The following OTOGL variants were observed in gnomAD, a reference collection of about 807,000 sequenced individuals.
OTOGL encodes otogelin-like protein.
OTOGL carries 285 observed loss-of-function variants against 318.5 expected under a neutral mutation model. The ratio of observed to expected loss-of-function variants is 0.89; its 90% CI spans 0.81 to 0.99. The LOEUF (loss-of-function observed/expected upper bound fraction) is 0.99, where lower values mean the gene tolerates loss of function less well. OTOGL is among the 50% of genes least tolerant of loss of function. The probability of loss-of-function intolerance (pLI) is 0.00; values close to 1 mark genes in which losing one functional copy is unlikely to be tolerated. For synonymous variants in OTOGL, 987 were observed against 936.5 expected, an observed-to-expected ratio of 1.05 and a Z score of -0.99; for missense variants, 2,899 against 2,845.6, an observed-to-expected ratio of 1.02 and a Z score of -0.43.
chr12:80,360,815 A>T (rs1890197650), intron 52 of OTOGL, among the ~76,000 whole-genome samples: 1 of 152,076 alleles, frequency 6.6e-6, no homozygotes, highest in Non-Finnish European at 1.5e-5. Flanking sequence ...AACTAGAACC[A>T]GTATACAATC....
intron 1 of OTOGL, among the ~76,000 whole-genome samples, chr12:80,106,438 T>C (rs1029562953): frequency 1.3e-5 from 2 of 152,338 alleles, no homozygotes; most frequent in Admixed American, 6.5e-5. Context: ...TCTCCAGAGA[T>C]TGAATGTCCA....
At chr12:80,150,829 G>C (rs1231521816) in intron 1 of OTOGL, among the ~76,000 whole-genome samples, 1 of 152,070 alleles carries the variant, frequency 6.6e-6, no homozygotes, top group African/African-American at 2.4e-5. Context: ...AAAAAGAAAG[G>C]CATAGAAAAC....
chr12:80,289,921 G>A (rs984700230), intron 26 of OTOGL, among the ~76,000 whole-genome samples: 1 of 152,080 alleles, frequency 6.6e-6, no homozygotes. Flanking sequence ...GTCTTGCTGG[G>A]GTTCCAGGTG....
At chr12:80,167,956 T>C (rs899997451) in intron 1 of OTOGL, among the ~76,000 whole-genome samples, 3 of 151,740 alleles carry the variant, frequency 2.0e-5, no homozygotes, top group African/African-American at 7.3e-5. Flanking sequence ...CTCCTCTCCT[T>C]GCCTCTCCTC....
intron 22 of OTOGL, among the ~76,000 whole-genome samples, chr12:80,268,457 C>T (rs1228383846): frequency 6.6e-6 from 1 of 152,122 alleles, no homozygotes; most frequent in Non-Finnish European, 1.5e-5. Context: ...CTCCTGCCTA[C>T]TTTGCTCTGC....
chr12:80,350,923 C>T (rs1039869512), intron 44 of OTOGL, among the ~76,000 whole-genome samples: 13 of 152,190 alleles, frequency 8.5e-5, no homozygotes, highest in African/African-American at 2.4e-4. Flanking sequence ...TCCCATGTGT[C>T]GATTTTTTCT....
At chr12:80,228,893 A>G (rs900829466) in intron 7 of OTOGL, among the ~76,000 whole-genome samples, 8 of 152,146 alleles carry the variant, frequency 5.3e-5, no homozygotes, top group African/African-American at 1.9e-4. Context: ...GCTCTGTTTT[A>G]TGATTCTCTA....
At chr12:80,146,979 A>G (rs1158407576) in intron 1 of OTOGL, among the ~76,000 whole-genome samples, 2 of 151,388 alleles carry the variant, frequency 1.3e-5, no homozygotes, top group Non-Finnish European at 2.9e-5. Context: ...CTAGTTGTCT[A>G]TTTTGTTGAT....
chr12:80,374,360 A>T (rs1891064603), intron 57 of OTOGL, among the ~76,000 whole-genome samples: 1 of 152,200 alleles, frequency 6.6e-6, no homozygotes. Flanking sequence ...TGTCCAAATA[A>T]GATCACATTC....
chr12:80,307,764 G>A (rs1886275970), intron 29 of OTOGL, among the ~76,000 whole-genome samples: 1 of 142,826 alleles, frequency 7.0e-6, no homozygotes, highest in South Asian at 2.2e-4. Context: ...CTCCCTCCCG[G>A]ACGGGGTGGC....
chr12:80,122,841 T>G (rs1004840600), intron 1 of OTOGL, among the ~76,000 whole-genome samples: 2 of 152,168 alleles, frequency 1.3e-5, no homozygotes, highest in Non-Finnish European at 2.9e-5. Context: ...CAGAAATCTA[T>G]GCAGTTGCTC....
chr12:80,328,791 CAT>C (rs991603248), intron 36 of OTOGL, 47 bp downstream of exon 36: 10 of 1,494,590 alleles, frequency 6.7e-6, no homozygotes, highest in African/African-American at 1.4e-5. Flanking sequence ...TATACGCTTG[CAT>C]ATGTTTTTTC....
chr12:80,258,700 T>C (rs983877373), intron 18 of OTOGL, among the ~76,000 whole-genome samples: 7 of 152,124 alleles, frequency 4.6e-5, no homozygotes, highest in African/African-American at 1.7e-4. Context: ...TGGAGCTTTG[T>C]GTTGCAGATC....
At chr12:80,108,754 A>AT (rs1339772975) in intron 1 of OTOGL, among the ~76,000 whole-genome samples, 3 of 135,142 alleles carry the variant, frequency 2.2e-5, no homozygotes, top group African/African-American at 5.6e-5. Context: ...TATTTAAAAA[A>AT]ATATATATAT....
intron 57 of OTOGL, among the ~76,000 whole-genome samples, chr12:80,373,260 C>T (rs568943846): frequency 3.9e-5 from 6 of 152,072 alleles, no homozygotes; most frequent in South Asian, 4.2e-4. Context: ...GGTGAAACCC[C>T]GTCTCTACTA....
At chr12:80,163,180 G>A (rs1055526318) in intron 1 of OTOGL, among the ~76,000 whole-genome samples, 1 of 151,702 alleles carries the variant, frequency 6.6e-6, no homozygotes, top group African/African-American at 2.4e-5. Flanking sequence ...GCTGATGATA[G>A]GGCATTGTCT....
chr12:80,208,155 T>G (rs1211601262), intron 1 of OTOGL: 2 of 506,586 alleles, frequency 3.9e-6, no homozygotes, highest in Non-Finnish European at 3.9e-6. Context: ...GCTTTTTCCT[T>G]TATAGACAAA....
At chr12:80,144,451 A>C (rs920023045) in intron 1 of OTOGL, among the ~76,000 whole-genome samples, 2 of 148,374 alleles carry the variant, frequency 1.3e-5, no homozygotes, top group African/African-American at 2.6e-5. Context: ...AATCCGGTCT[A>C]TCATTGTTGG....
intron 24 of OTOGL, 39 bp from the exon 25 acceptor site, chr12:80,278,129 T>A: frequency 7.1e-7 from 1 of 1,412,246 alleles, no homozygotes; most frequent in Non-Finnish European, 9.8e-7. Context: ...CTGAAAACTG[T>A]AGTTCATACT....
Sources: gnomAD v4.1 joint callset for allele counts (sites outside exome capture counted in the v4.1 genomes callset) on GRCh38, gnomAD v4.1.1 for gene constraint, MANE v1.5 for transcripts, NCBI Gene and HGNC (gene_info 2026-07-23, HGNC 2026-07-21) for gene names.